Variants in NDUFA5 observed in about 807,000 individuals in gnomAD.
NDUFA5 encodes the protein NADH dehydrogenase [ubiquinone] 1 alpha subcomplex subunit 5.
In NDUFA5, 11 loss-of-function variants were observed where a neutral mutation model predicts 19.8. That is an observed-to-expected ratio of 0.56 (90% CI 0.35 to 0.92). NDUFA5 has a LOEUF of 0.92. NDUFA5 is among the 40% of genes least tolerant of loss of function. NDUFA5 has a pLI of 0.01. For missense variants in NDUFA5, 109 were observed against 134.2 expected, an observed-to-expected ratio of 0.81 and a Z score of 0.93; for synonymous variants, 47 against 46.8, an observed-to-expected ratio of 1.00 and a Z score of -0.01.
chr7:123,595,998 T>A, the NDUFA5 span, among the ~76,000 whole-genome samples: 2 of 152,230 alleles, frequency 1.3e-5, no homozygotes, highest in African/African-American at 2.4e-5. Context: ...ACATTTTAAA[T>A]CTTGAAATCA....
chr7:123,542,316 T>C, intron 4 of NDUFA5, 96 bp from the exon 5 acceptor site: 1 of 802,088 alleles, frequency 1.2e-6, no homozygotes, highest in South Asian at 1.7e-5. Context: ...ACTACTTTCA[T>C]TTAATATCTC....
the NDUFA5 span, among the ~76,000 whole-genome samples, chr7:123,578,909 T>C: frequency 2.0e-5 from 3 of 152,138 alleles, no homozygotes; most frequent in Non-Finnish European, 4.4e-5. Context: ...CAAGGTATTT[T>C]ATTTTATTTT....
In NDUFA5 at chr7:123,553,207, C is replaced by T. The variant is rs7792923; in HGVS notation, c.67-2621G>A. 4.7e-3 allele frequency among the ~76,000 whole-genome samples: 719 copies of T among 152,232 alleles called. 7 individuals carry two copies. Among genetic ancestry groups the T allele is most frequent in the African/African-American group, 0.017 (705 of 41,522 alleles). ...TTCTCATGCTGCTAATAGAGACATA[C>T]CTGAGACTGGGTGATTTATAAAGGA... is the stretch of plus-strand genomic sequence containing the variant. On this transcript the variant is annotated intron_variant, in intron 2 of 4. Coordinates refer to ENST00000355749, the MANE Select transcript of NDUFA5 (RefSeq NM_005000.5).
At chr7:123,594,270 C>G in the NDUFA5 span, among the ~76,000 whole-genome samples, 2 of 152,086 alleles carry the variant, frequency 1.3e-5, no homozygotes, top group African/African-American at 4.8e-5. Flanking sequence ...ACTTCTGAGG[C>G]CTACTTCTGT....
chr7:123,582,190 A>G, the NDUFA5 span, among the ~76,000 whole-genome samples: 1 of 152,000 alleles, frequency 6.6e-6, no homozygotes, highest in Non-Finnish European at 1.5e-5. Context: ...TCTCAGGCCC[A>G]GACCACTTTG....
In NDUFA5 at chr7:123,557,388, G is replaced by A; in HGVS notation, c.66+16C>T. The A allele has an allele frequency of 6.2e-7, 1 of 1,613,738 alleles. No homozygotes were observed. Among genetic ancestry groups the A allele is most frequent in the Non-Finnish European group, 8.5e-7 (1 of 1,179,866 alleles). On this transcript the variant is annotated intron_variant, in intron 2 of 4. Transcript: ENST00000355749. ...CCTTGGGAATTCAAGAACGAAGAAAGAACAAAGGTACATACCTCGTGAGGA... is the reference window on the plus strand; with the variant it reads ...CCTTGGGAATTCAAGAACGAAGAAAAAACAAAGGTACATACCTCGTGAGGA...
the NDUFA5 span, among the ~76,000 whole-genome samples, chr7:123,582,586 A>ATG: frequency 6.6e-6 from 1 of 151,908 alleles, no homozygotes; most frequent in Non-Finnish European, 1.5e-5. Flanking sequence ...CATTCCCCCC[A>ATG]GATATGCCAT....
At chr7:123,549,311 G>T (rs745856998) in intron 3 of NDUFA5, among the ~76,000 whole-genome samples, 1 of 152,202 alleles carries the variant, frequency 6.6e-6, no homozygotes, top group Non-Finnish European at 1.5e-5. Flanking sequence ...AAAGGATTTT[G>T]GAACCAGTAA....
At chr7:123,556,974 T>G in intron 2 of NDUFA5, 1 of 447,162 alleles carries the variant, frequency 2.2e-6, no homozygotes, top group Non-Finnish European at 4.4e-6. Context: ...TGGGTTTTTT[T>G]GATGAAAACA....
chr7:123,564,626 A>G, the NDUFA5 span, among the ~76,000 whole-genome samples: 1 of 152,024 alleles, frequency 6.6e-6, no homozygotes, highest in African/African-American at 2.4e-5. Context: ...GTGTGTGTGT[A>G]TATACACATA....
At chr7:123,569,233 A>C in the NDUFA5 span, among the ~76,000 whole-genome samples, 6 of 152,194 alleles carry the variant, frequency 3.9e-5, no homozygotes, top group African/African-American at 1.4e-4. Context: ...AATCTTGGCA[A>C]CATCTTAACA....
chr7:123,545,976 C>T (rs1244380563), intron 3 of NDUFA5, among the ~76,000 whole-genome samples: 1 of 152,000 alleles, frequency 6.6e-6, no homozygotes, highest in Admixed American at 6.6e-5. Flanking sequence ...TTAATATTTC[C>T]TGTATTTCCT....
the NDUFA5 span, among the ~76,000 whole-genome samples, chr7:123,573,288 C>CTTTTTTTTTTTT: frequency 2.5e-5 from 3 of 117,894 alleles, no homozygotes; most frequent in Non-Finnish European, 3.5e-5. Flanking sequence ...TCTGGATTTG[C>CTTTTTTTTTTTT]TTTTTTTTTT....
chr7:123,546,948 A>T, intron 3 of NDUFA5: 1 of 372,532 alleles, frequency 2.7e-6, no homozygotes, highest in South Asian at 2.0e-5. Flanking sequence ...TGAATTATCC[A>T]TATAGTCCCT....
chr7:123,576,998 A>G, the NDUFA5 span, among the ~76,000 whole-genome samples: 1 of 152,198 alleles, frequency 6.6e-6, no homozygotes, highest in East Asian at 1.9e-4. Flanking sequence ...TGGTCAAACA[A>G]GAAGACTTCC....
chr7:123,572,049 A>G, the NDUFA5 span, among the ~76,000 whole-genome samples: 2 of 151,816 alleles, frequency 1.3e-5, no homozygotes, highest in East Asian at 3.9e-4. Context: ...TGGTTTCCCA[A>G]AGCACTGGGT....
At chr7:123,560,078 A>T (rs1798669960), upstream of NDUFA5, among the ~76,000 whole-genome samples, 1 of 152,292 alleles carries the variant, frequency 6.6e-6, no homozygotes, top group Non-Finnish European at 1.5e-5. Context: ...AATACAGGAC[A>T]AAAACTATAT....
intron 2 of NDUFA5, among the ~76,000 whole-genome samples, chr7:123,552,510 T>C (rs539192611): frequency 1.3e-5 from 2 of 151,764 alleles, no homozygotes; most frequent in East Asian, 1.9e-4. Context: ...AGGGGAGGGA[T>C]AGCATTAGGA....
chr7:123,579,278 AT>A, the NDUFA5 span, among the ~76,000 whole-genome samples: 1 of 151,950 alleles, frequency 6.6e-6, no homozygotes, highest in Non-Finnish European at 1.5e-5. Flanking sequence ...GATATACTAC[AT>A]TTTCTTTATA....
Sources: gnomAD v4.1 joint callset for allele counts (sites outside exome capture counted in the v4.1 genomes callset) on GRCh38, gnomAD v4.1.1 for gene constraint, MANE v1.5 for transcripts, NCBI Gene and HGNC (gene_info 2026-07-23, HGNC 2026-07-21) for gene names.